CEP57: variants seen among roughly 807,000 people sequenced by gnomAD.
CEP57 encodes centrosomal protein of 57 kDa.
Under a neutral mutation model 68.0 loss-of-function variants are expected in CEP57, and 40 were observed. That is an observed-to-expected ratio of 0.59 (90% CI 0.46 to 0.77). The LOEUF is 0.77. Ranked by LOEUF, CEP57 falls within the 30% of genes least tolerant of loss-of-function variation. The pLI is 0.00. For missense variants in CEP57, 606 were observed against 580.7 expected (o/e 1.04, Z -0.45); for synonymous variants, 219 against 198.7 (o/e 1.10, Z -0.86).
chr11:95,830,352 A>T (rs1862949104), intron 10 of CEP57, among the ~76,000 whole-genome samples: 1 of 152,204 alleles, frequency 6.6e-6, no homozygotes, highest in Non-Finnish European at 1.5e-5. Context: ...ATGAAAAAGA[A>T]ATACAAGCAA....
At chr11:95,794,559 AACCTTT>A (rs1260666840) in intron 1 of CEP57, among the ~76,000 whole-genome samples, 1 of 151,818 alleles carries the variant, frequency 6.6e-6, no homozygotes, top group African/African-American at 2.4e-5. Flanking sequence ...GTTTTTTTCA[AACCTTT>A]ACTAGTGTGT....
At chr11:95,807,434 A>G (rs1445283656) in intron 2 of CEP57, among the ~76,000 whole-genome samples, 2 of 152,236 alleles carry the variant, frequency 1.3e-5, no homozygotes, top group Non-Finnish European at 2.9e-5. Flanking sequence ...CTAAAGGAAG[A>G]TATTTGAACC....
intron 8 of CEP57, 56 bp downstream of exon 8, chr11:95,822,632 C>T: frequency 7.3e-7 from 1 of 1,372,422 alleles, no homozygotes; most frequent in Non-Finnish European, 1.0e-6. Context: ...TGAATTAAGT[C>T]CCTGCATCTG....
At chr11:95,797,595 C>T (rs1359829087) in intron 1 of CEP57, among the ~76,000 whole-genome samples, 3 of 152,130 alleles carry the variant, frequency 2.0e-5, no homozygotes, top group African/African-American at 4.8e-5. Context: ...CAAGGATACC[C>T]TATCACTTAA....
At position 95,827,774 on chromosome 11, in the gene CEP57, T is replaced by G. The variant is rs775284823; in HGVS notation, c.886-12T>G. On this transcript the variant is annotated splice_polypyrimidine_tract_variant and intron_variant, in intron 8 of 10. Coordinates refer to ENST00000325542, the MANE Select transcript of CEP57 (RefSeq NM_014679.5). ...ACTTCAATTACTTCTTTCATCATTT[T>G]TCTTCCTTTAGTCCACAAGCCCTAG... The G allele has an allele frequency of 6.2e-7, 1 of 1,613,912 alleles. No individual in the cohort carries two copies. The highest frequency in any genetic ancestry group is 8.5e-7 in the Non-Finnish European group (1 of 1,179,990).
chr11:95,815,290 T>C (rs1862255185), intron 4 of CEP57: 1 of 152,166 alleles, frequency 6.6e-6, no homozygotes, highest in Non-Finnish European at 1.5e-5. Context: ...GTGTGATAGG[T>C]CTCTTATTTC....
chr11:95,812,879 A>G, intron 2 of CEP57, 53 bp from the exon 3 acceptor site: 9 of 1,497,862 alleles, frequency 6.0e-6, no homozygotes, highest in Non-Finnish European at 8.4e-6. Context: ...TTCTTAATAT[A>G]CTTTCTCCGC....
chr11:95,831,177 GAAA>G lies in CEP57; in HGVS notation c.1428_1430del (p.Lys476del), dbSNP rs749940581. The G allele has an allele frequency of 8.1e-6, 13 of 1,613,328 alleles. No homozygotes were observed. In the South Asian group the frequency reaches 1.4e-4, roughly 18 times the overall value. ...AAACTGAGACCTGGAGAAAAAAGGA[GAAA>G]AAATCTTCAGTTATTGAAGGACATG... On this transcript the variant is annotated inframe_deletion, in exon 11 of 11. Transcript: ENST00000325542.
chr11:95,822,655 C>A (rs989645732), intron 8 of CEP57, 79 bp downstream of exon 8: 2 of 851,500 alleles, frequency 2.3e-6, no homozygotes, highest in African/African-American at 3.4e-5. Context: ...AGTATGTCTA[C>A]AAATGGAAGG....
At chr11:95,828,115 C>T (rs1862832398) in intron 9 of CEP57, 88 bp downstream of exon 9, 1 of 1,466,540 alleles carries the variant, frequency 6.8e-7, no homozygotes, top group Non-Finnish European at 9.2e-7. Flanking sequence ...TCTTACTTTC[C>T]TTTGTTGAGC....
At chr11:95,818,045 T>TA in intron 5 of CEP57, 142 bp downstream of exon 5, 2 of 652,690 alleles carry the variant, frequency 3.1e-6, no homozygotes, top group South Asian at 3.5e-5. Flanking sequence ...AAAGAAAATA[T>TA]AAATTTGGAG....
At position 95,790,742 on chromosome 11, in the gene CEP57, C is replaced by A; in HGVS notation, c.44C>A (p.Ser15Ter). 6.2e-7 allele frequency: 1 copy of A among 1,614,038 alleles called. No individual in the cohort carries two copies. Among genetic ancestry groups the A allele is most frequent in the Non-Finnish European group, 8.5e-7 (1 of 1,179,984 alleles). Residue 15 changes from serine (S) to a stop codon, truncating the protein, a stop_gained and splice_region_variant, in exon 1 of 11, where the codon TCG becomes TAG. Coordinates refer to ENST00000325542, the MANE Select transcript of CEP57 (RefSeq NM_014679.5). LOFTEE classifies it high-confidence loss of function. ...TCTGCGGCTTCTGGTTCTCACTTGT[C>A]GGTAAGAAGCAGTTGGCGCGAGTGG... ...SVSAASGSHL[S>*]NSFAEPSRSN... is the part of the protein sequence containing the mutation.
chr11:95,807,071 T>C (rs962547250), intron 2 of CEP57, among the ~76,000 whole-genome samples: 1 of 152,168 alleles, frequency 6.6e-6, no homozygotes, highest in Non-Finnish European at 1.5e-5. Flanking sequence ...AATATTTGCT[T>C]TTCTGCAGCT....
chr11:95,815,757 G>A (rs1012830007), intron 4 of CEP57, among the ~76,000 whole-genome samples: 8 of 152,034 alleles, frequency 5.3e-5, no homozygotes, highest in East Asian at 3.9e-4. Context: ...GAGACCAGCC[G>A]GGGCAATAGA....
intron 1 of CEP57, chr11:95,794,307 G>A (rs1441269497): frequency 2.2e-6 from 1 of 455,878 alleles, no homozygotes; most frequent in East Asian, 7.0e-5. Context: ...CAAGAAAGAA[G>A]AGAGAGAAAA....
At chr11:95,818,936 A>G in intron 6 of CEP57, 32 bp downstream of exon 6, 1 of 1,527,458 alleles carries the variant, frequency 6.5e-7, no homozygotes. Context: ...TGGGCTCTTC[A>G]TATTTCTTAC....
chr11:95,800,332 C>T (rs1198152054), intron 2 of CEP57, among the ~76,000 whole-genome samples: 1 of 152,060 alleles, frequency 6.6e-6, no homozygotes, highest in Non-Finnish European at 1.5e-5. Flanking sequence ...CTCCTTCCTT[C>T]ATGTTTCCCT....
At chr11:95,813,873 A>G (rs961750565) in intron 4 of CEP57, among the ~76,000 whole-genome samples, 1 of 152,172 alleles carries the variant, frequency 6.6e-6, no homozygotes, top group South Asian at 2.1e-4. Flanking sequence ...ATAACCATAT[A>G]CCTCTGTATC....
chr11:95,790,325 C>G, upstream of CEP57: 1 of 361,238 alleles, frequency 2.8e-6, no homozygotes, highest in Non-Finnish European at 5.2e-6. Context: ...GAGGCCCGAC[C>G]CTCCGTAGAA....
Sources: gnomAD v4.1 joint callset for allele counts (sites outside exome capture counted in the v4.1 genomes callset) on GRCh38, gnomAD v4.1.1 for gene constraint, MANE v1.5 for transcripts, NCBI Gene and HGNC (gene_info 2026-07-23, HGNC 2026-07-21) for gene names.